The following ZBTB16 variants were observed in gnomAD, a reference collection of about 807,000 sequenced individuals.
ZBTB16 encodes zinc finger and BTB domain-containing protein 16.
Under a neutral mutation model 56.8 loss-of-function variants are expected in ZBTB16, and 8 were observed. That is an observed-to-expected ratio of 0.14 (90% CI 0.08 to 0.25). The LOEUF is 0.25. Among genes scored for constraint, ZBTB16 ranks in the 10% least tolerant of loss-of-function variants. The pLI is 1.00. For missense variants in ZBTB16, 625 were observed against 903.0 expected (o/e 0.69, Z 3.95); for synonymous variants, 363 against 368.5 (o/e 0.98, Z 0.17).
intron 3 of ZBTB16, among the ~76,000 whole-genome samples, chr11:114,186,373 C>T (rs938108018): frequency 6.6e-5 from 10 of 152,168 alleles, no homozygotes; most frequent in African/African-American, 2.2e-4. Flanking sequence ...AAGAGGAGCA[C>T]ACCCAGAAAT....
chr11:114,172,071 T>A lies in ZBTB16; in HGVS notation c.1367-14881T>A, dbSNP rs543897594. On this transcript the variant is annotated intron_variant, in intron 3 of 6. Transcript: ENST00000335953. The stretch of plus-strand genomic sequence containing the variant: ...TCCAGGCCTTGGACGTGCCTTTCAC[T>A]CGCTTAGCTGAATGGAACCTGAGAA... 2.2e-4 allele frequency among the ~76,000 whole-genome samples: 34 copies of A among 152,268 alleles called. 3 individuals are homozygous for A. The South Asian group carries it at 7.0e-3, about 32-fold the overall frequency.
intron 3 of ZBTB16, among the ~76,000 whole-genome samples, chr11:114,176,141 T>G (rs1480520192): frequency 6.6e-6 from 1 of 152,072 alleles, no homozygotes; most frequent in East Asian, 1.9e-4. Context: ...AAGGCTCAGA[T>G]CACAGGCTGA....
chr11:114,241,374 G>T (rs1944699230), intron 4 of ZBTB16, among the ~76,000 whole-genome samples: 1 of 152,162 alleles, frequency 6.6e-6, no homozygotes, highest in African/African-American at 2.4e-5. Context: ...TCTGTGAGGA[G>T]CTGGGCTGCA....
intron 2 of ZBTB16, among the ~76,000 whole-genome samples, chr11:114,111,910 T>A (rs1344364781): frequency 6.6e-6 from 1 of 152,210 alleles, no homozygotes; most frequent in African/African-American, 2.4e-5. Context: ...CTTCCCCTTT[T>A]ACCCCAAGTC....
rs59505866 is a variant in ZBTB16 at position 114,106,472 on chromosome 11, CTTTTTTTTTT to C, written c.1268+41911_1268+41920del. 4.0e-3 allele frequency among the ~76,000 whole-genome samples: 557 copies of C among 139,656 alleles called. 8 individuals are homozygous for C. In the East Asian group the frequency reaches 0.051, roughly 13 times the overall value. 91.6% of individuals were successfully genotyped at this position (139,656 alleles called of 152,430 possible). On this transcript the variant is annotated intron_variant, in intron 2 of 6. Transcript: ENST00000335953. ...CATTGGTCTATGATTTCACGATCTT[CTTTTTTTTTT>C]TTTTTTGAGACAGAGTCTTGCTCTG... is the stretch of plus-strand genomic sequence containing the variant.
intron 4 of ZBTB16, chr11:114,210,571 C>A: frequency 4.3e-6 from 1 of 230,446 alleles, no homozygotes; most frequent in Non-Finnish European, 8.6e-6. Context: ...CCATATTTAA[C>A]CTTTGACCCT....
intron 2 of ZBTB16, among the ~76,000 whole-genome samples, chr11:114,070,680 G>A (rs1178805618): frequency 1.3e-5 from 2 of 152,142 alleles, no homozygotes; most frequent in Non-Finnish European, 2.9e-5. Context: ...CTAGTCTTTG[G>A]TTGCCATCAC....
chr11:114,182,076 G>A (rs945999507), intron 3 of ZBTB16, among the ~76,000 whole-genome samples: 2 of 152,112 alleles, frequency 1.3e-5, no homozygotes, highest in Non-Finnish European at 2.9e-5. Context: ...TTTGAGACAG[G>A]GTTTCACTCC....
At chr11:114,232,081 T>C (rs1944450015) in intron 4 of ZBTB16, among the ~76,000 whole-genome samples, 2 of 152,156 alleles carry the variant, frequency 1.3e-5, no homozygotes, top group South Asian at 4.1e-4. Context: ...GTGAAGATCC[T>C]GGCCTGCCCT....
intron 2 of ZBTB16, among the ~76,000 whole-genome samples, chr11:114,102,263 T>G (rs539131935): frequency 3.3e-5 from 5 of 152,352 alleles, no homozygotes; most frequent in African/African-American, 9.6e-5. Flanking sequence ...GAAGGCTTTC[T>G]TATCGTGGCT....
intron 3 of ZBTB16, among the ~76,000 whole-genome samples, chr11:114,163,708 C>T (rs1467711430): frequency 6.6e-6 from 1 of 152,114 alleles, no homozygotes; most frequent in East Asian, 1.9e-4. Flanking sequence ...GTCCCTGCCC[C>T]CAAATACACA....
chr11:114,163,446 A>AT (rs1188671733), intron 3 of ZBTB16, among the ~76,000 whole-genome samples: 3 of 149,986 alleles, frequency 2.0e-5, no homozygotes, highest in Middle Eastern at 3.4e-3. Context: ...TTGGCCAGGG[A>AT]TTTTGTTTAC....
chr11:114,232,107 G>A (rs1312418619), intron 4 of ZBTB16, among the ~76,000 whole-genome samples: 7 of 152,104 alleles, frequency 4.6e-5, no homozygotes, highest in Non-Finnish European at 1.0e-4. Flanking sequence ...GCTCCGTCCC[G>A]ATGTTCCCCC....
At position 114,233,107 on chromosome 11, in the gene ZBTB16, ACACACACACACACACACACTCTCTCT is replaced by A. The variant is rs1395944502; in HGVS notation, c.1454-9058_1454-9033del. Among the ~76,000 whole-genome samples the A allele has an allele frequency of 2.7e-3, 115 of 43,174 alleles. 2 individuals are homozygous for A. In the East Asian group the frequency reaches 0.036, roughly 13 times the overall value. 28.3% of individuals were successfully genotyped at this position (43,174 alleles called of 152,430 possible). A position where few individuals can be genotyped will look rare whatever the true frequency, so the allele number is the denominator to read the frequency against. On this transcript the variant is annotated intron_variant, in intron 4 of 6. Coordinates refer to ENST00000335953, the MANE Select transcript of ZBTB16 (RefSeq NM_006006.6). ...CACACACACACACACACACACACAC[ACACACACACACACACACACTCTCTCT>A]CTCTCACACTCCCTTTCCTTCTTCC...
intron 4 of ZBTB16, among the ~76,000 whole-genome samples, chr11:114,213,939 C>CT (rs1465675578): frequency 4.6e-5 from 7 of 152,182 alleles, no homozygotes; most frequent in Admixed American, 4.6e-4. Flanking sequence ...TGCTCCACCT[C>CT]TTTTAAGTTG....
At chr11:114,215,061 G>A (rs1944069914) in intron 4 of ZBTB16, among the ~76,000 whole-genome samples, 1 of 151,418 alleles carries the variant, frequency 6.6e-6, no homozygotes, top group Non-Finnish European at 1.5e-5. Flanking sequence ...GAGGTTAACT[G>A]TGTCCAGTTA....
At chr11:114,122,142 C>A (rs1941362803) in intron 2 of ZBTB16, among the ~76,000 whole-genome samples, 1 of 152,180 alleles carries the variant, frequency 6.6e-6, no homozygotes, top group African/African-American at 2.4e-5. Context: ...TCTTCACTTC[C>A]TGAATGCACG....
At chr11:114,233,939 A>C (rs1037157502) in intron 4 of ZBTB16, among the ~76,000 whole-genome samples, 1 of 152,206 alleles carries the variant, frequency 6.6e-6, no homozygotes, top group Non-Finnish European at 1.5e-5. Flanking sequence ...ACATTCCCCA[A>C]GAGACTGAAA....
intron 2 of ZBTB16, among the ~76,000 whole-genome samples, chr11:114,116,237 G>C: frequency 6.6e-6 from 1 of 152,194 alleles, no homozygotes; most frequent in East Asian, 1.9e-4. Flanking sequence ...AAATGGTACA[G>C]TCTTCCTGTA....
Sources: gnomAD v4.1 joint callset for allele counts (sites outside exome capture counted in the v4.1 genomes callset) on GRCh38, gnomAD v4.1.1 for gene constraint, MANE v1.5 for transcripts, NCBI Gene and HGNC (gene_info 2026-07-23, HGNC 2026-07-21) for gene names.